The following RDX variants were observed in gnomAD, a reference collection of about 807,000 sequenced individuals.
RDX encodes the protein radixin, also known as deafness, autosomal recessive 24.
RDX carries 32 observed loss-of-function variants against 83.7 expected under a neutral mutation model. The ratio of observed to expected loss-of-function variants is 0.38; its 90% confidence interval spans 0.29 to 0.51. RDX has a LOEUF of 0.51. Among genes scored for constraint, RDX ranks in the 20% least tolerant of loss-of-function variants. The probability of loss-of-function intolerance (pLI) is 0.87; values close to 1 mark genes in which losing one functional copy is unlikely to be tolerated. For synonymous variants in RDX, 229 were observed against 222.7 expected (o/e 1.03, Z -0.25); for missense variants, 600 against 689.9 (o/e 0.87, Z 1.46).
intron 14 of RDX, among the ~76,000 whole-genome samples, chr11:110,216,051 G>C (rs1241425239): frequency 1.3e-5 from 2 of 152,076 alleles, no homozygotes; most frequent in African/African-American, 4.8e-5. Context: ...CTCGATTCTG[G>C]TAGCAATGTT....
At chr11:110,260,402 T>A (rs1387453113) in intron 5 of RDX, among the ~76,000 whole-genome samples, 25 of 152,180 alleles carry the variant, frequency 1.6e-4, no homozygotes, top group Admixed American at 1.6e-3. Flanking sequence ...TTCATCAAAG[T>A]ATTCTTTTAC....
At chr11:110,194,989 T>G (rs1354512511) in intron 15 of RDX, among the ~76,000 whole-genome samples, 1 of 152,084 alleles carries the variant, frequency 6.6e-6, no homozygotes, top group African/African-American at 2.4e-5. Flanking sequence ...TGTTTTGTTT[T>G]GTTTTGTTTT....
intron 3 of RDX, among the ~76,000 whole-genome samples, chr11:110,266,719 C>T (rs73555768): frequency 1.7e-3 from 253 of 152,216 alleles, no homozygotes; most frequent in African/African-American, 5.9e-3. Flanking sequence ...AGGCACATTC[C>T]ACCACACCTA....
intron 14 of RDX, among the ~76,000 whole-genome samples, chr11:110,223,452 C>T (rs377628437): frequency 2.3e-4 from 35 of 152,114 alleles, no homozygotes; most frequent in African/African-American, 8.2e-4. Flanking sequence ...TCGCTTGAAC[C>T]GAGAGGTGAA....
chr11:110,184,491 A>G (rs1468519704), intron 15 of RDX, among the ~76,000 whole-genome samples: 1 of 152,182 alleles, frequency 6.6e-6, no homozygotes, highest in Non-Finnish European at 1.5e-5. Context: ...CTAAGGTGTA[A>G]GCCTTGCAGG....
intron 1 of RDX, among the ~76,000 whole-genome samples, chr11:110,284,526 AT>A (rs11335075): frequency 0.73 from 106,003 of 144,770 alleles, 38,567 homozygotes; most frequent in East Asian, 0.82. Flanking sequence ...TATTATTATT[AT>A]TTTTTTTTTT....
chr11:110,200,236 A>T (rs2134237162), intron 14 of RDX: 1 of 154,802 alleles, frequency 6.5e-6, no homozygotes, highest in East Asian at 1.9e-4. Context: ...CCTGCCTACT[A>T]AAAGACTGGA....
chr11:110,204,895 G>T (rs1466712406), intron 14 of RDX, among the ~76,000 whole-genome samples: 1 of 152,064 alleles, frequency 6.6e-6, no homozygotes, highest in Non-Finnish European at 1.5e-5. Flanking sequence ...TCCCATACAG[G>T]TTACACGAAT....
intron 1 of RDX, among the ~76,000 whole-genome samples, chr11:110,290,113 G>A (rs1482590901): frequency 6.6e-6 from 1 of 151,608 alleles, no homozygotes; most frequent in Non-Finnish European, 1.5e-5. Context: ...AAAACAACAG[G>A]AAGATTTAAC....
chr11:110,205,212 A>G (rs532847125), intron 14 of RDX, among the ~76,000 whole-genome samples: 1 of 152,318 alleles, frequency 6.6e-6, no homozygotes, highest in South Asian at 2.1e-4. Context: ...AATTGGATCC[A>G]TACTTCATAC....
chr11:110,283,483 C>T (rs1286530222), intron 1 of RDX, among the ~76,000 whole-genome samples: 1 of 152,122 alleles, frequency 6.6e-6, no homozygotes, highest in Non-Finnish European at 1.5e-5. Flanking sequence ...ATGAAAAAAA[C>T]AGAATTATTC....
At chr11:110,281,712 C>G (rs1860768229) in intron 1 of RDX, among the ~76,000 whole-genome samples, 1 of 152,088 alleles carries the variant, frequency 6.6e-6, no homozygotes, top group South Asian at 2.1e-4. Flanking sequence ...CCTTCATGAA[C>G]CTAAATGTAT....
chr11:110,186,095 T>C lies in RDX; in HGVS notation c.*32-10861A>G, dbSNP rs200577695. Among the ~76,000 whole-genome samples the C allele has an allele frequency of 4.6e-5, 7 of 152,336 alleles. No homozygotes were observed. In the East Asian group the frequency reaches 7.7e-4, roughly 17 times the overall value. On this transcript the variant is annotated intron_variant, in intron 15 of 15. Transcript: ENST00000528498. ...AGCTTTGGGCTTACACAGTTGGGAA[T>C]AGAACTTGACCAGGACTGACATCTG...
intron 14 of RDX, among the ~76,000 whole-genome samples, chr11:110,204,514 C>CTTTTTTTTTTTTTTTTTTTTTCT (rs577737066): frequency 1.9e-5 from 2 of 107,732 alleles, no homozygotes; most frequent in Non-Finnish European, 1.8e-5. Flanking sequence ...TTTTTTTTTC[C>CTTTTTTTTTTTTTTTTTTTTTCT]TTTTTTTTTT....
intron 15 of RDX, among the ~76,000 whole-genome samples, chr11:110,187,332 G>A (rs1440617151): frequency 6.6e-6 from 1 of 152,198 alleles, no homozygotes; most frequent in Non-Finnish European, 1.5e-5. Context: ...TGGATTAGCA[G>A]CCTGGATCAC....
At chr11:110,192,727 AAAG>A (rs1189240264) in intron 15 of RDX, among the ~76,000 whole-genome samples, 3 of 152,224 alleles carry the variant, frequency 2.0e-5, no homozygotes, top group African/African-American at 7.2e-5. Context: ...ACACTTCTCA[AAAG>A]AAGATACAAG....
At chr11:110,218,652 G>A (rs370555268) in intron 14 of RDX, among the ~76,000 whole-genome samples, 5 of 152,096 alleles carry the variant, frequency 3.3e-5, no homozygotes, top group East Asian at 1.9e-4. Context: ...CAAACTTTAC[G>A]TTTTCAATAC....
intron 14 of RDX, among the ~76,000 whole-genome samples, chr11:110,215,378 A>C (rs1332300992): frequency 1.8e-5 from 1 of 54,520 alleles, no homozygotes; most frequent in Non-Finnish European, 4.1e-5. Flanking sequence ...ATAAATAAAT[A>C]AATAAATAAA....
chr11:110,251,379 A>AT (rs1232045942), intron 9 of RDX, among the ~76,000 whole-genome samples: 1 of 152,174 alleles, frequency 6.6e-6, no homozygotes, highest in Non-Finnish European at 1.5e-5. Context: ...TATAATGGCT[A>AT]TTTTTTATTA....
Sources: allele counts gnomAD v4.1 joint callset (sites outside exome capture counted in the v4.1 genomes callset), GRCh38; gene constraint gnomAD v4.1.1; transcripts MANE v1.5; gene names NCBI Gene and HGNC (gene_info 2026-07-23, HGNC 2026-07-21).